Variants in NUMA1 observed in about 807,000 individuals in gnomAD.
The protein encoded by NUMA1 is nuclear mitotic apparatus protein 1.
Under a neutral mutation model 237.1 loss-of-function variants are expected in NUMA1, and 62 were observed. The ratio of observed to expected loss-of-function variants is 0.26; its 90% confidence interval spans 0.21 to 0.32. The LOEUF (loss-of-function observed/expected upper bound fraction) is 0.32. NUMA1 is among the 10% of genes least tolerant of loss of function. The pLI is 1.00. For synonymous variants in NUMA1, 1,028 were observed against 1,066.1 expected, an observed-to-expected ratio of 0.96 and a Z score of 0.70; for missense variants, 2,533 against 2,666.5, an observed-to-expected ratio of 0.95 and a Z score of 1.10.
At chr11:72,024,080 C>T in intron 5 of NUMA1, 194 bp downstream of exon 5, 1 of 564,340 alleles carries the variant, frequency 1.8e-6, no homozygotes, top group Admixed American at 3.1e-5. Context: ...TGAAGGGACA[C>T]TCTTCTTACA....
chr11:72,007,604 CTT>C, intron 20 of NUMA1, 169 bp from the exon 21 acceptor site: 1 of 794,806 alleles, frequency 1.3e-6, no homozygotes, highest in Non-Finnish European at 2.0e-6. Context: ...CTGGGCCTTC[CTT>C]TCAGTCCACT....
chr11:72,076,052 A>C (rs1401085157), intron 1 of NUMA1, among the ~76,000 whole-genome samples: 1 of 152,238 alleles, frequency 6.6e-6, no homozygotes. Flanking sequence ...TTGCTCACCT[A>C]GTGAGAAAGG....
chr11:72,029,310 G>C lies in NUMA1; in HGVS notation c.43-20C>G. On this transcript the variant is annotated intron_variant, in intron 3 of 26. Coordinates refer to ENST00000393695, the MANE Select transcript of NUMA1 (RefSeq NM_006185.4). The stretch of plus-strand genomic sequence containing the variant: ...GTTCACCTGTAAATCAAAGGGAACA[G>C]CCTAGTGAGACCGTTAGAAGCAACA... 6.5e-7 allele frequency: 1 copy of C among 1,546,036 alleles called. No homozygotes were observed. The highest frequency in any genetic ancestry group is 8.8e-7 in the Non-Finnish European group (1 of 1,138,012).
chr11:72,007,768 T>C (rs892470216), intron 20 of NUMA1: 16 of 388,828 alleles, frequency 4.1e-5, no homozygotes, highest in African/African-American at 3.1e-4. Context: ...TTTCAGTGAA[T>C]AGGAACGCCC....
chr11:72,004,380 G>A (rs756123101), intron 24 of NUMA1, 39 bp from the exon 25 acceptor site: 3 of 1,567,768 alleles, frequency 1.9e-6, no homozygotes, highest in Middle Eastern at 1.7e-4. Context: ...AGTAGCAAGA[G>A]GAGTCACATC....
At chr11:72,046,024 C>G (rs1418018231) in intron 2 of NUMA1, among the ~76,000 whole-genome samples, 2 of 152,206 alleles carry the variant, frequency 1.3e-5, no homozygotes, top group East Asian at 3.9e-4. Flanking sequence ...GAACCTTCCC[C>G]TAGAACCCCT....
intron 3 of NUMA1, among the ~76,000 whole-genome samples, chr11:72,035,406 C>T (rs1430573659): frequency 4.4e-4 from 63 of 144,120 alleles, no homozygotes; most frequent in Admixed American, 1.2e-3. Flanking sequence ...ACCACCCCCC[C>T]TTTTTTTTTT....
rs747630970 is a variant in NUMA1 at position 72,006,002 on chromosome 11, T to G, written c.5692+33A>C. 13 of 1,509,566 alleles carry G rather than the reference T, an allele frequency of 8.6e-6. No homozygotes were observed. The Middle Eastern group carries it at 1.1e-3, about 122-fold the overall frequency. The allele number at this position is 1,509,566 out of a possible 1,614,324, so 93.5% of individuals were successfully genotyped here. On this transcript the variant is annotated intron_variant, in intron 22 of 26. Transcript: ENST00000393695. ...CCACGATCCACCTTCCAGTCTAATT[T>G]TGGGGTATAGTAAGTCCCTGTAGTC...
intron 2 of NUMA1, chr11:72,049,649 T>C (rs1349029805): frequency 7.3e-6 from 1 of 137,638 alleles, no homozygotes; most frequent in Non-Finnish European, 1.6e-5. Flanking sequence ...GATAAATAAA[T>C]AGATATATAT....
Position 72,016,761 on chromosome 11 carries a change from C to A in NUMA1, c.1120-231G>T, listed in dbSNP as rs1307331415. 2.1e-5 allele frequency: 11 copies of A among 523,792 alleles called. No individual in the cohort carries two copies. The Admixed American group carries it at 4.0e-4, about 19-fold the overall frequency. The allele number at this position is 523,792 out of a possible 1,614,324, so 32.4% of individuals were successfully genotyped here. On this transcript the variant is annotated intron_variant, in intron 13 of 26. Transcript: ENST00000393695. ...TCATAATGTAACCTGCTTACTACTT[C>A]CCCAAGGCTGCTGAGTTTACTTCAA...
chr11:72,007,482 C>T (rs1235597732), intron 20 of NUMA1, 47 bp from the exon 21 acceptor site: 1 of 1,601,378 alleles, frequency 6.2e-7, no homozygotes, highest in African/African-American at 1.3e-5. Flanking sequence ...CGCTAGAAGG[C>T]ATTTTGTCCA....
At chr11:72,005,107 G>A (rs745711575) in intron 23 of NUMA1, 126 bp downstream of exon 23, 19 of 1,131,896 alleles carry the variant, frequency 1.7e-5, no homozygotes, top group Non-Finnish European at 2.3e-5. Flanking sequence ...GGAAACATGA[G>A]AAGGTCACCC....
rs1955379879 is a variant in NUMA1, at chr11:72,003,202, G to A, written c.*325C>T. Reference sequence around the variant, plus strand: ...TTCTAGATCCAGAGGCTAAGAGGAAGACTGGCCAGGCCCAAGGACCCAGCC... The same window carrying A: ...TTCTAGATCCAGAGGCTAAGAGGAAAACTGGCCAGGCCCAAGGACCCAGCC... On this transcript the variant is annotated 3_prime_UTR_variant, in exon 27 of 27. Coordinates refer to ENST00000393695, the MANE Select transcript of NUMA1 (RefSeq NM_006185.4). The A allele has an allele frequency of 7.1e-6, 3 of 425,294 alleles. No individual in the cohort carries two copies. The Admixed American group carries it at 1.1e-4, about 16-fold the overall frequency. The allele number at this position is 425,294 out of a possible 1,614,324, so 26.3% of individuals were successfully genotyped here.
Position 72,004,221 on chromosome 11 carries a change from T to C in NUMA1, c.6123+4A>G. On this transcript the variant is annotated splice_donor_region_variant and intron_variant, in intron 25 of 26. Coordinates refer to ENST00000393695, the MANE Select transcript of NUMA1 (RefSeq NM_006185.4). The stretch of plus-strand genomic sequence containing the variant: ...GCTTCATCCCCCTTCAGCCCCAGCC[T>C]CACCTGTTTAGTAGAAGCTGGAGCT... The C allele has an allele frequency of 6.2e-7, 1 of 1,610,018 alleles. No individual in the cohort carries two copies. Among genetic ancestry groups the C allele is most frequent in the South Asian group, 1.1e-5 (1 of 90,796 alleles).
chr11:72,026,494 TCAAA>T (rs57363052), intron 4 of NUMA1, among the ~76,000 whole-genome samples: 3,474 of 152,356 alleles, frequency 0.023, 130 homozygotes, highest in African/African-American at 0.079. Flanking sequence ...TTCACAGCTA[TCAAA>T]CAGACGGGAC....
chr11:72,037,754 T>C (rs1941208845), intron 2 of NUMA1, among the ~76,000 whole-genome samples: 1 of 152,232 alleles, frequency 6.6e-6, no homozygotes, highest in Admixed American at 6.5e-5. Context: ...AGTCTTGGAA[T>C]TGAGCCAATT....
chr11:72,003,329 C>A lies in NUMA1; in HGVS notation c.*198G>T. ...GCGCCCACACTGTCCATGCTCCAGGCCCCCTGGGCCAGCTCCGAGAAGGCG... is the reference window on the plus strand; with the variant it reads ...GCGCCCACACTGTCCATGCTCCAGGACCCCTGGGCCAGCTCCGAGAAGGCG... On this transcript the variant is annotated 3_prime_UTR_variant, in exon 27 of 27. Transcript: ENST00000393695. 1 of 615,934 alleles carries A rather than the reference C, an allele frequency of 1.6e-6. No homozygotes were observed. The allele number at this position is 615,934 out of a possible 1,614,324, so 38.2% of individuals were successfully genotyped here.
At chr11:72,029,337 G>C in intron 3 of NUMA1, 47 bp from the exon 4 acceptor site, 2 of 853,924 alleles carry the variant, frequency 2.3e-6, no homozygotes, top group African/African-American at 3.4e-5. Context: ...GAAGCAACAT[G>C]GTTTGCTCCT....
intron 4 of NUMA1, chr11:72,024,602 A>G: frequency 2.0e-6 from 1 of 498,716 alleles, no homozygotes; most frequent in Non-Finnish European, 3.6e-6. Context: ...CTGCCACCCT[A>G]TTTGCAAACA....
Sources: allele counts gnomAD v4.1 joint callset (sites outside exome capture counted in the v4.1 genomes callset), GRCh38; gene constraint gnomAD v4.1.1; transcripts MANE v1.5; gene names NCBI Gene and HGNC (gene_info 2026-07-23, HGNC 2026-07-21).